The following FBXW11 variants were observed in gnomAD, a reference collection of about 807,000 sequenced individuals.
FBXW11 encodes F-box and WD repeat domain containing 11, also known as F-box/WD repeat-containing protein 11.
Under a neutral mutation model 77.6 loss-of-function variants are expected in FBXW11, and 19 were observed. That is an observed-to-expected ratio of 0.24 (90% CI 0.17 to 0.36). The LOEUF is 0.36. FBXW11 is among the 10% of genes least tolerant of loss of function. FBXW11 has a pLI of 1.00. For synonymous variants in FBXW11, 235 were observed against 249.4 expected (o/e 0.94, Z 0.54); for missense variants, 334 against 704.2 (o/e 0.47, Z 5.95).
chr5:171,938,651 A>G lies in FBXW11; in HGVS notation c.147+18946T>C, dbSNP rs1762597349. ...TTTGATCAGCAATTCCACTTACAGG[A>G]ATTCTCCCTGAAGATACACTAATTC... On this transcript the variant is annotated intron_variant, in intron 2 of 13. Coordinates refer to ENST00000517395, the MANE Select transcript of FBXW11 (RefSeq NM_001378974.1). Among the ~76,000 whole-genome samples, 4 of 152,216 alleles carry G rather than the reference A, an allele frequency of 2.6e-5. No homozygotes were observed. The South Asian group carries it at 8.3e-4, about 32-fold the overall frequency.
chr5:171,875,920 T>G (rs192236302), intron 9 of FBXW11, among the ~76,000 whole-genome samples: 175 of 152,300 alleles, frequency 1.1e-3, no homozygotes, highest in African/African-American at 3.5e-3. Flanking sequence ...TCCTTTACTC[T>G]CTGAGCCAGA....
At chr5:171,967,096 T>C (rs1482882772) in intron 1 of FBXW11, among the ~76,000 whole-genome samples, 1 of 152,232 alleles carries the variant, frequency 6.6e-6, no homozygotes, top group Non-Finnish European at 1.5e-5. Context: ...CCCTGATTTA[T>C]TTTCAAATTT....
intron 2 of FBXW11, among the ~76,000 whole-genome samples, chr5:171,921,773 T>C (rs1330301923): frequency 6.6e-6 from 1 of 152,134 alleles, no homozygotes; most frequent in Non-Finnish European, 1.5e-5. Context: ...GGGTTCCACT[T>C]TGTCACCCAG....
At chr5:171,922,855 G>C (rs1021187505) in intron 2 of FBXW11, among the ~76,000 whole-genome samples, 2 of 152,098 alleles carry the variant, frequency 1.3e-5, no homozygotes, top group African/African-American at 4.8e-5. Flanking sequence ...CTTAAAGAAT[G>C]AATGTGGACG....
intron 1 of FBXW11, among the ~76,000 whole-genome samples, chr5:171,998,336 C>T (rs909110427): frequency 5.1e-4 from 59 of 114,802 alleles, no homozygotes; most frequent in African/African-American, 1.5e-3. Flanking sequence ...TTTTTCTTGT[C>T]TTTTTTTTTT....
intron 1 of FBXW11, among the ~76,000 whole-genome samples, chr5:171,977,211 G>A (rs1305148158): frequency 6.6e-6 from 1 of 150,694 alleles, no homozygotes. Flanking sequence ...ATGGTGGCAC[G>A]TGTGGATCGC....
intron 7 of FBXW11, among the ~76,000 whole-genome samples, chr5:171,879,906 T>C (rs983249179): frequency 5.3e-5 from 8 of 152,216 alleles, no homozygotes; most frequent in Admixed American, 3.3e-4. Context: ...CCAGACAATG[T>C]CTCTCACAGA....
chr5:171,916,914 GT>G (rs573907431), intron 2 of FBXW11, among the ~76,000 whole-genome samples: 807 of 152,040 alleles, frequency 5.3e-3, no homozygotes, highest in Non-Finnish European at 8.1e-3. Flanking sequence ...TTTTTGTGGG[GT>G]TTTTTTGTTT....
chr5:172,003,345 A>G (rs1766530439), intron 1 of FBXW11: 1 of 152,232 alleles, frequency 6.6e-6, no homozygotes, highest in South Asian at 2.1e-4. Context: ...CTCAAAGGTT[A>G]ATAAATACCA....
In FBXW11 at chr5:171,930,537, A is replaced by G. The variant is rs573813590; in HGVS notation, c.148-16132T>C. On this transcript the variant is annotated intron_variant, in intron 2 of 13. Transcript: ENST00000517395. Reference sequence around the variant, plus strand: ...TGTAGAAAAACTGAAAGAATTGTTAAGAGTCATCACCACTCCCTAATCTTA... The same window carrying G: ...TGTAGAAAAACTGAAAGAATTGTTAGGAGTCATCACCACTCCCTAATCTTA... 2.0e-5 allele frequency among the ~76,000 whole-genome samples: 3 copies of G among 152,258 alleles called. No individual in the cohort carries two copies. The South Asian group carries it at 6.2e-4, about 32-fold the overall frequency.
Position 171,876,170 on chromosome 5 carries a change from G to T in FBXW11, c.1221+115C>A. Reference sequence around the variant, plus strand: ...GTGGGATGGCCTCAAGGGTTCATAAGCACAGAGGAGAATAAAGATCTTGCC... The same window carrying T: ...GTGGGATGGCCTCAAGGGTTCATAATCACAGAGGAGAATAAAGATCTTGCC... On this transcript the variant is annotated intron_variant, in intron 9 of 13. Coordinates refer to ENST00000517395, the MANE Select transcript of FBXW11 (RefSeq NM_001378974.1). This position sits in a 1 kb window ranked among gnomAD's most constrained non-coding sequence, Gnocchi z 4.2. The T allele has an allele frequency of 7.7e-7, 1 of 1,293,870 alleles. No individual in the cohort carries two copies. 80.1% of individuals were successfully genotyped at this position (1,293,870 alleles called of 1,614,324 possible).
At chr5:171,899,198 G>A in intron 5 of FBXW11, 104 bp from the exon 6 acceptor site, 1 of 751,074 alleles carries the variant, frequency 1.3e-6, no homozygotes. Context: ...CTTTTAATTT[G>A]CATTGAGTTT....
intron 2 of FBXW11, among the ~76,000 whole-genome samples, chr5:171,925,048 C>A (rs867942891): frequency 6.6e-6 from 1 of 152,240 alleles, no homozygotes. Context: ...CCCACCAGGC[C>A]AAGTGGGCAA....
At chr5:171,879,771 G>A (rs1227409001) in intron 7 of FBXW11, among the ~76,000 whole-genome samples, 1 of 152,086 alleles carries the variant, frequency 6.6e-6, no homozygotes, top group Non-Finnish European at 1.5e-5. Flanking sequence ...GTCTGTTAAG[G>A]TCTATGCCTT....
At chr5:171,939,508 G>A (rs1292827706) in intron 2 of FBXW11, among the ~76,000 whole-genome samples, 2 of 151,946 alleles carry the variant, frequency 1.3e-5, no homozygotes, top group Non-Finnish European at 2.9e-5. Context: ...ACCAGCCTGT[G>A]CAACATGCCA....
chr5:171,903,777 C>T (rs937044919), intron 4 of FBXW11, among the ~76,000 whole-genome samples: 1 of 152,080 alleles, frequency 6.6e-6, no homozygotes. Flanking sequence ...TCCCTAGTAG[C>T]TGAGACTACA....
intron 1 of FBXW11, among the ~76,000 whole-genome samples, chr5:171,992,733 C>T (rs187310788): frequency 9.9e-5 from 15 of 152,112 alleles, no homozygotes; most frequent in South Asian, 2.1e-4. Context: ...TACCACTGCA[C>T]CTAAAAACTC....
At chr5:171,953,844 A>G (rs1385337406) in intron 2 of FBXW11, among the ~76,000 whole-genome samples, 1 of 152,172 alleles carries the variant, frequency 6.6e-6, no homozygotes, top group Non-Finnish European at 1.5e-5. Flanking sequence ...TCTAAAAAAT[A>G]TTCTCTTATA....
intron 1 of FBXW11, among the ~76,000 whole-genome samples, chr5:171,997,763 A>C (rs999427213): frequency 7.3e-4 from 111 of 152,194 alleles, no homozygotes; most frequent in African/African-American, 2.6e-3. Flanking sequence ...TTTCTACCAT[A>C]TCAAATTAGA....
Sources: allele counts gnomAD v4.1 joint callset (sites outside exome capture counted in the v4.1 genomes callset), GRCh38; gene constraint gnomAD v4.1.1; non-coding constraint Gnocchi (gnomAD v3.1); transcripts MANE v1.5; gene names NCBI Gene and HGNC (gene_info 2026-07-23, HGNC 2026-07-21).